EIF4A2: variants seen among roughly 807,000 people sequenced by gnomAD.
EIF4A2 encodes the protein eukaryotic translation initiation factor 4A2, also known as eukaryotic initiation factor 4A-II.
A neutral mutation model predicts 50.6 loss-of-function variants in EIF4A2; 9 were observed. The observed-to-expected ratio is 0.18, with a 90% CI of 0.11 to 0.31. The LOEUF (loss-of-function observed/expected upper bound fraction) is 0.31. Ranked by LOEUF, EIF4A2 falls within the 10% of genes least tolerant of loss-of-function variation. The pLI is 1.00. For synonymous variants in EIF4A2, 215 were observed against 164.4 expected, an observed-to-expected ratio of 1.31 and a Z score of -2.35; for missense variants, 182 against 501.8, an observed-to-expected ratio of 0.36 and a Z score of 6.09.
intron 8 of EIF4A2, 80 bp downstream of exon 8, chr3:186,787,344 C>T (rs377327346): frequency 2.4e-5 from 39 of 1,611,314 alleles, no homozygotes; most frequent in South Asian, 1.3e-4. Flanking sequence ...GCTGTGTTGT[C>T]GTTCCCCCTG....
At chr3:186,789,065 C>T in intron 10 of EIF4A2, 60 bp from the exon 11 acceptor site, 5 of 1,554,990 alleles carry the variant, frequency 3.2e-6, no homozygotes, top group East Asian at 2.3e-5. Flanking sequence ...AGTGGATCGT[C>T]ATGTTCAGTA....
Position 186,783,696 on chromosome 3 carries a change from G to T in EIF4A2, c.29+57G>T, listed in dbSNP as rs1353656195. On this transcript the variant is annotated intron_variant, in intron 1 of 10. Transcript: ENST00000323963. ...GTGAAGGTCATAGGGCGCCAGGGGA[G>T]ATGATAGTGGATGGCACGGAGGCAA... is the stretch of plus-strand genomic sequence containing the variant. 10 of 1,613,186 alleles carry T rather than the reference G, an allele frequency of 6.2e-6. No homozygotes were observed. The Admixed American group carries it at 1.0e-4, about 16-fold the overall frequency.
At chr3:186,786,075 ATTTT>A (rs753726599) in intron 5 of EIF4A2, 24 bp downstream of exon 5, 1 of 1,599,834 alleles carries the variant, frequency 6.3e-7, no homozygotes, top group South Asian at 1.1e-5. Context: ...TTAAGAGAGT[ATTTT>A]TTTTAAAACT....
chr3:186,788,654 AAT>A (rs1721926597), intron 10 of EIF4A2: 1 of 233,020 alleles, frequency 4.3e-6, no homozygotes, highest in Non-Finnish European at 8.5e-6. Context: ...TACCATACCA[AAT>A]ATTTGTTTTC....
intron 4 of EIF4A2, 84 bp from the exon 5 acceptor site, chr3:186,785,799 C>A (rs1721669938): frequency 2.7e-6 from 4 of 1,505,962 alleles, no homozygotes; most frequent in South Asian, 2.6e-5. Context: ...TGTTGGCAGA[C>A]CAGATTATAT....
At chr3:186,784,539 G>C (rs753475251) in intron 2 of EIF4A2, 25 bp from the exon 3 acceptor site, 6 of 1,614,158 alleles carry the variant, frequency 3.7e-6, no homozygotes, top group East Asian at 2.2e-5. Context: ...TCATTTATGC[G>C]TGCATTATTT....
intron 3 of EIF4A2, 88 bp downstream of exon 3, chr3:186,784,784 T>A (rs1460382477): frequency 6.2e-7 from 1 of 1,605,314 alleles, no homozygotes; most frequent in Non-Finnish European, 8.5e-7. Flanking sequence ...TAGCACCTGT[T>A]TGTATTCCTT....
At chr3:186,789,057 T>C in intron 10 of EIF4A2, 68 bp from the exon 11 acceptor site, 1 of 1,522,218 alleles carries the variant, frequency 6.6e-7, no homozygotes, top group Non-Finnish European at 8.8e-7. Context: ...GGTTAACAAG[T>C]GGATCGTCAT....
At chr3:186,786,735 C>T (rs1721738478) in intron 7 of EIF4A2, 90 bp downstream of exon 7, 7 of 1,547,208 alleles carry the variant, frequency 4.5e-6, no homozygotes, top group Non-Finnish European at 6.2e-6. Flanking sequence ...TTGGTTTTTG[C>T]AATAATGCTA....
chr3:186,787,106 T>C (rs186916940), intron 7 of EIF4A2, 21 bp from the exon 8 acceptor site: 2 of 1,612,310 alleles, frequency 1.2e-6, no homozygotes, highest in African/African-American at 1.3e-5. Context: ...GACTGTTAAC[T>C]TTAACTTCTA....
chr3:186,786,631 A>C lies in EIF4A2; in HGVS notation c.757A>C (p.Asn253His). ...TGAAGGAATCAAACAGTTTTATATT[A>C]ATGTTGAGAGAGAGGTAACTGTCTG... ...TLEGIKQFYINVEREEWKLDT... is the reference protein window; with the variant it reads ...TLEGIKQFYIHVEREEWKLDT... Residue 253 changes from asparagine (N) to histidine (H), a missense_variant, in exon 7 of 11, where the codon AAT (asparagine) becomes CAT (histidine). Asn to His is a moderately conservative substitution (Grantham distance 68). Around this residue, in one of 7 missense-constraint regions of EIF4A2, gnomAD observed 113 missense variants for 357.3 expected, o/e 0.32. Transcript: ENST00000323963. 1.2e-6 allele frequency: 2 copies of C among 1,614,002 alleles called. No homozygotes were observed. The highest frequency in any genetic ancestry group is 1.7e-6 in the Non-Finnish European group (2 of 1,179,914).
chr3:186,785,526 A>G (rs981493275), intron 4 of EIF4A2: 3 of 309,064 alleles, frequency 9.7e-6, no homozygotes, highest in African/African-American at 6.3e-5. Flanking sequence ...TCAGGATTAT[A>G]TAAGGCACAA....
At chr3:186,789,027 A>G in intron 10 of EIF4A2, 98 bp from the exon 11 acceptor site, 5 of 1,478,050 alleles carry the variant, frequency 3.4e-6, no homozygotes, top group East Asian at 2.5e-5. Flanking sequence ...TATAACCTTG[A>G]TAAGTAAACA....
At chr3:186,783,696 G>C in intron 1 of EIF4A2, 57 bp downstream of exon 1, 1 of 1,613,306 alleles carries the variant, frequency 6.2e-7, no homozygotes, top group East Asian at 2.2e-5. Flanking sequence ...CGCCAGGGGA[G>C]ATGATAGTGG....
rs1721521923 is a variant in EIF4A2 at position 186,783,925 on chromosome 3, A to G, written c.29+286A>G. The G allele has an allele frequency of 1.5e-5, 7 of 454,504 alleles. No homozygotes were observed. The South Asian group carries it at 1.7e-4, about 11-fold the overall frequency. The allele number at this position is 454,504 out of a possible 1,614,324, so 28.2% of individuals were successfully genotyped here. A position where few individuals can be genotyped will look rare whatever the true frequency, so the allele number is the denominator to read the frequency against. On this transcript the variant is annotated intron_variant, in intron 1 of 10. Transcript: ENST00000323963. ...TAGAGCACGGGAAACATGGAGTAAA[A>G]AGCCGTGGCGCAGTCCGAGTTCGGT...
intron 10 of EIF4A2, 21 bp from the exon 11 acceptor site, chr3:186,789,104 C>A (rs1721977781): frequency 6.2e-7 from 1 of 1,610,064 alleles, no homozygotes; most frequent in East Asian, 2.2e-5. Context: ...AAGTAACGTT[C>A]TGATTCTTTT....
intron 8 of EIF4A2, 63 bp downstream of exon 8, chr3:186,787,327 G>A (rs1239526621): frequency 6.2e-7 from 1 of 1,613,052 alleles, no homozygotes; most frequent in African/African-American, 1.3e-5. Context: ...CAATATAGCT[G>A]CTAAGTGCTG....
intron 5 of EIF4A2, 26 bp downstream of exon 5, chr3:186,786,077 T>G (rs1352554473): frequency 6.2e-7 from 1 of 1,600,176 alleles, no homozygotes; most frequent in Non-Finnish European, 8.6e-7. Flanking sequence ...AAGAGAGTAT[T>G]TTTTTTAAAA....
rs752905396 is a variant in EIF4A2, at chr3:186,783,599, G to GT, written c.-7dup. On this transcript the variant is annotated 5_prime_UTR_variant, in exon 1 of 11. Transcript: ENST00000323963. The stretch of plus-strand genomic sequence containing the variant: ...TGTCTTTTCAGTCGGGCGCTGAGTG[G>GT]TTTTTCGGATCATGTCTGGTGGCTC... 7 of 1,614,054 alleles carry GT rather than the reference G, an allele frequency of 4.3e-6. No individual in the cohort carries two copies. Among genetic ancestry groups the GT allele is most frequent in the Non-Finnish European group, 5.9e-6 (7 of 1,180,040 alleles).
Sources: allele counts gnomAD v4.1 joint callset, GRCh38; gene constraint gnomAD v4.1.1; regional missense constraint gnomAD v4.1.1; transcripts MANE v1.5; gene names NCBI Gene and HGNC (gene_info 2026-07-23, HGNC 2026-07-21).